TSHZ2: variants seen among roughly 807,000 people sequenced by gnomAD.
TSHZ2 encodes the protein teashirt zinc finger homeobox 2, also known as teashirt homolog 2.
Under a neutral mutation model 74.4 loss-of-function variants are expected in TSHZ2, and 21 were observed. That is an observed-to-expected ratio of 0.28 (90% confidence interval 0.20 to 0.41). The LOEUF (loss-of-function observed/expected upper bound fraction) is 0.41, where lower values mean the gene tolerates loss of function less well. Ranked by LOEUF, TSHZ2 falls within the 10% of genes least tolerant of loss-of-function variation. The pLI, the probability that TSHZ2 is intolerant of heterozygous loss-of-function variation, is 1.00. For missense variants in TSHZ2, 1,244 were observed against 1,293.5 expected (o/e 0.96, Z 0.59); for synonymous variants, 540 against 515.3 (o/e 1.05, Z -0.65).
intron 1 of TSHZ2, among the ~76,000 whole-genome samples, chr20:52,995,557 G>A (rs1398187975): frequency 9.9e-5 from 15 of 151,566 alleles, no homozygotes; most frequent in Non-Finnish European, 1.5e-4. Flanking sequence ...GCAACCAAGT[G>A]CTTTGAACTC....
intron 2 of TSHZ2, among the ~76,000 whole-genome samples, chr20:53,277,253 C>A (rs1042560440): frequency 1.3e-5 from 2 of 150,664 alleles, no homozygotes; most frequent in Non-Finnish European, 3.0e-5. Flanking sequence ...ATTTTGGAAG[C>A]AATGGTTAAA....
At chr20:53,273,091 G>A (rs1441230408) in intron 2 of TSHZ2, among the ~76,000 whole-genome samples, 1 of 152,242 alleles carries the variant, frequency 6.6e-6, no homozygotes, top group African/African-American at 2.4e-5. Flanking sequence ...AGGCCGGAGT[G>A]TCATGAGCTG....
Position 53,255,991 on chromosome 20 carries a change from C to G in TSHZ2, c.2533C>G (p.Gln845Glu). 1 of 1,613,674 alleles carries G rather than the reference C, an allele frequency of 6.2e-7. No individual in the cohort carries two copies. Among genetic ancestry groups the G allele is most frequent in the Non-Finnish European group, 8.5e-7 (1 of 1,179,682 alleles). ...VSTLHKRKGR[Q>E]SNWNPQHLLI... Reference sequence around the variant, plus strand: ...AACTTTGCATAAAAGAAAAGGCCGGCAGTCCAACTGGAATCCTCAGCATCT... The same window carrying G: ...AACTTTGCATAAAAGAAAAGGCCGGGAGTCCAACTGGAATCCTCAGCATCT... The change falls in exon 2 of 3, where the codon CAG becomes GAG. Residue 845 changes from glutamine to glutamate, a missense_variant. Gln to Glu is a conservative substitution (Grantham distance 29). Transcript: ENST00000371497. The surrounding 1 kb of genome is among the most constrained non-coding windows in gnomAD (Gnocchi z 4.1).
intron 2 of TSHZ2, among the ~76,000 whole-genome samples, chr20:53,292,122 A>G (rs1991290592): frequency 1.3e-5 from 2 of 152,154 alleles, no homozygotes; most frequent in African/African-American, 4.8e-5. Context: ...CTCACATATA[A>G]TAATCTTAAT....
At chr20:53,377,447 C>T (rs1288309737) in intron 2 of TSHZ2, among the ~76,000 whole-genome samples, 1 of 152,170 alleles carries the variant, frequency 6.6e-6, no homozygotes, top group Non-Finnish European at 1.5e-5. Context: ...CAGAATCTAT[C>T]GACTATCAGA....
chr20:53,304,627 C>G (rs1198510577), intron 2 of TSHZ2, among the ~76,000 whole-genome samples: 1 of 136,286 alleles, frequency 7.3e-6, no homozygotes, highest in Admixed American at 7.1e-5. Flanking sequence ...TTGTTTGTTT[C>G]CTTGTTTGTT....
At chr20:53,404,189 C>T (rs780228454) in intron 2 of TSHZ2, among the ~76,000 whole-genome samples, 1 of 152,048 alleles carries the variant, frequency 6.6e-6, no homozygotes, top group African/African-American at 2.4e-5. Context: ...AATGGGAAAA[C>T]GTGCATTGCA....
chr20:53,430,225 C>T (rs1983790449), intron 2 of TSHZ2, among the ~76,000 whole-genome samples: 1 of 152,106 alleles, frequency 6.6e-6, no homozygotes, highest in Non-Finnish European at 1.5e-5. Flanking sequence ...CTGCCTCAGC[C>T]TCCCGAGAAG....
intron 1 of TSHZ2, among the ~76,000 whole-genome samples, chr20:53,212,100 T>C (rs1989322466): frequency 6.6e-6 from 1 of 152,066 alleles, no homozygotes; most frequent in Non-Finnish European, 1.5e-5. Flanking sequence ...AAGGGCCTGT[T>C]TGCATAAGGA....
At position 53,244,785 on chromosome 20, in the gene TSHZ2, A is replaced by G. The variant is rs757980864; in HGVS notation, c.41-8714A>G. Among the ~76,000 whole-genome samples the G allele has an allele frequency of 1.1e-3, 173 of 152,354 alleles. 2 individuals carry two copies. The highest frequency in any genetic ancestry group is 3.2e-4 in the Non-Finnish European group (22 of 68,042). ...CATTACCATTATGGCTAATGACCTA[A>G]TAACTTGCTATTTGATGTTTGTACA... is the stretch of plus-strand genomic sequence containing the variant. On this transcript the variant is annotated intron_variant, in intron 1 of 2. Transcript: ENST00000371497.
rs1306323444 is a variant in TSHZ2 at position 53,314,188 on chromosome 20, T to C, written c.*8+57617T>C. Reference sequence around the variant, plus strand: ...CTATAGTCCCAACTACTTGGGAGGCTGAAACAAGAGAATCGCTTGAACCTG... The same window carrying C: ...CTATAGTCCCAACTACTTGGGAGGCCGAAACAAGAGAATCGCTTGAACCTG... On this transcript the variant is annotated intron_variant, in intron 2 of 2. Coordinates refer to ENST00000371497, the MANE Select transcript of TSHZ2 (RefSeq NM_173485.6). Among the ~76,000 whole-genome samples, 6 of 150,714 alleles carry C rather than the reference T, an allele frequency of 4.0e-5. No individual in the cohort carries two copies. In the East Asian group the frequency reaches 1.2e-3, roughly 29 times the overall value.
chr20:53,117,735 C>T (rs1986709098), intron 1 of TSHZ2, among the ~76,000 whole-genome samples: 3 of 152,158 alleles, frequency 2.0e-5, no homozygotes, highest in African/African-American at 4.8e-5. Context: ...AACTGATACA[C>T]CGTATTTTAA....
rs543235701 is a variant in TSHZ2 at position 53,194,067 on chromosome 20, A to G, written c.41-59432A>G. Among the ~76,000 whole-genome samples, 97 of 152,348 alleles carry G rather than the reference A, an allele frequency of 6.4e-4. 4 individuals are homozygous for G. The South Asian group carries it at 0.02, about 32-fold the overall frequency. ...TGAGTGCTTTCCTGATGGAAAACAC[A>G]GTCTGTTGGATGGTAGTTCACTGAT... On this transcript the variant is annotated intron_variant, in intron 1 of 2. Coordinates refer to ENST00000371497, the MANE Select transcript of TSHZ2 (RefSeq NM_173485.6).
At chr20:53,270,445 C>A (rs932625911) in intron 2 of TSHZ2, among the ~76,000 whole-genome samples, 1 of 152,098 alleles carries the variant, frequency 6.6e-6, no homozygotes, top group African/African-American at 2.4e-5. Flanking sequence ...GGTGAAGAAA[C>A]CAGCCCTCAG....
chr20:53,447,985 C>T (rs1316985413), intron 2 of TSHZ2, among the ~76,000 whole-genome samples: 11 of 150,502 alleles, frequency 7.3e-5, no homozygotes, highest in African/African-American at 1.7e-4. Flanking sequence ...GTGATCTCGG[C>T]TCACGGCAAG....
chr20:53,482,108 TAAAAA>T (rs570413572), intron 2 of TSHZ2, among the ~76,000 whole-genome samples: 16 of 74,344 alleles, frequency 2.2e-4, no homozygotes, highest in African/African-American at 4.3e-4. Context: ...CTCCATCTCA[TAAAAA>T]AAAAAAAAAA....
At chr20:53,183,472 T>C (rs1186177903) in intron 1 of TSHZ2, among the ~76,000 whole-genome samples, 1 of 152,196 alleles carries the variant, frequency 6.6e-6, no homozygotes, top group Non-Finnish European at 1.5e-5. Context: ...AAGCGGGGCA[T>C]AGCCAGGGAT....
intron 1 of TSHZ2, among the ~76,000 whole-genome samples, chr20:53,103,933 T>C (rs1353349063): frequency 6.6e-6 from 1 of 152,208 alleles, no homozygotes; most frequent in Non-Finnish European, 1.5e-5. Context: ...CCCAAGAACA[T>C]TTTTAATGTT....
At chr20:53,265,280 A>G (rs1990689492) in intron 2 of TSHZ2, among the ~76,000 whole-genome samples, 2 of 152,190 alleles carry the variant, frequency 1.3e-5, no homozygotes, top group East Asian at 1.9e-4. Context: ...GGGAAGGCAC[A>G]CTTAGGGGCT....
Sources: gnomAD v4.1 joint callset for allele counts (sites outside exome capture counted in the v4.1 genomes callset) on GRCh38, gnomAD v4.1.1 for gene constraint, Gnocchi (gnomAD v3.1) non-coding constraint, MANE v1.5 for transcripts, NCBI Gene and HGNC (gene_info 2026-07-23, HGNC 2026-07-21) for gene names.